Variants in DCAF12 observed in about 807,000 individuals in gnomAD.
The protein encoded by DCAF12 is DDB1 and CUL4 associated factor 12.
In DCAF12, 28 loss-of-function variants were observed where a neutral mutation model predicts 52.8. That is an observed-to-expected ratio of 0.53 (90% CI 0.39 to 0.73). DCAF12 has a LOEUF of 0.73. Ranked by LOEUF, DCAF12 falls within the 30% of genes least tolerant of loss-of-function variation. The probability of loss-of-function intolerance (pLI) is 0.00; values close to 1 mark genes in which losing one functional copy is unlikely to be tolerated. For synonymous variants in DCAF12, 196 were observed against 215.5 expected, an observed-to-expected ratio of 0.91 and a Z score of 0.79; for missense variants, 425 against 552.2, an observed-to-expected ratio of 0.77 and a Z score of 2.31.
At chr9:34,095,242 T>C (rs1359788503) in intron 6 of DCAF12, among the ~76,000 whole-genome samples, 3 of 151,544 alleles carry the variant, frequency 2.0e-5, no homozygotes, top group Non-Finnish European at 4.4e-5. Context: ...GCCCAGCTAA[T>C]TTTTGTATTT....
chr9:34,108,563 G>A (rs1048252523), intron 2 of DCAF12, among the ~76,000 whole-genome samples: 24 of 152,210 alleles, frequency 1.6e-4, no homozygotes, highest in Admixed American at 1.0e-3. Flanking sequence ...AGGCCAAGGC[G>A]GGCGGATCAC....
At chr9:34,118,275 A>G (rs893191562) in intron 2 of DCAF12, among the ~76,000 whole-genome samples, 1 of 152,098 alleles carries the variant, frequency 6.6e-6, no homozygotes, top group Non-Finnish European at 1.5e-5. Flanking sequence ...CCGGGACCAC[A>G]GGCATGCGGC....
chr9:34,086,695 G>C lies in DCAF12; in HGVS notation c.*1655C>G, dbSNP rs891169686. On this transcript the variant is annotated 3_prime_UTR_variant, in exon 9 of 9. Coordinates refer to ENST00000361264, the MANE Select transcript of DCAF12 (RefSeq NM_015397.4). ...TTATAGCACCTATTTCTCTAGGTTC[G>C]AAGATGAGAATTCCAGAACCTGTGG... 1 of 152,086 alleles carries C rather than the reference G, an allele frequency of 6.6e-6. No homozygotes were observed. Among genetic ancestry groups the C allele is most frequent in the African/African-American group, 2.4e-5 (1 of 41,414 alleles). The allele number at this position is 152,086 out of a possible 1,614,324, so 9.4% of individuals were successfully genotyped here. A position where few individuals can be genotyped will look rare whatever the true frequency, so the allele number is the denominator to read the frequency against.
chr9:34,124,209 T>G (rs1196419549), intron 2 of DCAF12, among the ~76,000 whole-genome samples: 1 of 152,220 alleles, frequency 6.6e-6, no homozygotes, highest in Non-Finnish European at 1.5e-5. Flanking sequence ...CATTATGACA[T>G]TACTTGTCCA....
chr9:34,092,994 C>T lies in DCAF12; in HGVS notation c.1024+292G>A, dbSNP rs1032374500. Among the ~76,000 whole-genome samples the T allele has an allele frequency of 5.3e-5, 8 of 152,168 alleles. No homozygotes were observed. The East Asian group carries it at 5.8e-4, about 11-fold the overall frequency. On this transcript the variant is annotated intron_variant, in intron 7 of 8. Coordinates refer to ENST00000361264, the MANE Select transcript of DCAF12 (RefSeq NM_015397.4). ...CTGAGCAGCTGGGATTACAGGCATG[C>T]GCCACTGCGCCCGGCTAATTTTGTA... is the stretch of plus-strand genomic sequence containing the variant.
chr9:34,088,525 A>C lies in DCAF12; in HGVS notation c.1204-17T>G. ...ATCATGATTCTACGGGAAGAGAAAG[A>C]GACTACAATTAGCACCTCTAGCCAT... On this transcript the variant is annotated splice_polypyrimidine_tract_variant and intron_variant, in intron 8 of 8. Coordinates refer to ENST00000361264, the MANE Select transcript of DCAF12 (RefSeq NM_015397.4). 6.2e-7 allele frequency: 1 copy of C among 1,614,014 alleles called. No individual in the cohort carries two copies.
chr9:34,126,372 G>C lies in DCAF12; in HGVS notation c.60C>G (p.Ser20Arg), dbSNP rs756625241. Residue 20 changes from serine (S) to arginine (R), a missense_variant, in exon 1 of 9, where the codon AGC (serine) becomes AGG (arginine). By Grantham distance (110) the Ser-to-Arg change is moderately radical. Around this residue, in one of 3 missense-constraint regions of DCAF12, gnomAD observed 89 missense variants for 84.9 expected, o/e 1.05. Coordinates refer to ENST00000361264, the MANE Select transcript of DCAF12 (RefSeq NM_015397.4). ...RKAPASPGAG[S>R]DAQGPQFGWD... ...CCCTCACCTGCGGGCCCTGAGCGTCGCTCCCAGCTCCCGGCGAGGCGGGCG... is the reference window on the plus strand; with the variant it reads ...CCCTCACCTGCGGGCCCTGAGCGTCCCTCCCAGCTCCCGGCGAGGCGGGCG... The C allele has an allele frequency of 6.2e-7, 1 of 1,612,080 alleles. No homozygotes were observed. The highest frequency in any genetic ancestry group is 2.2e-5 in the East Asian group (1 of 44,874).
At chr9:34,089,661 T>C in intron 7 of DCAF12, 71 bp from the exon 8 acceptor site, 16 of 1,452,424 alleles carry the variant, frequency 1.1e-5, no homozygotes, top group Non-Finnish European at 1.5e-5. Flanking sequence ...AGCCTGAATT[T>C]CTCCAACACT....
intron 6 of DCAF12, chr9:34,093,679 T>C (rs1405046918): frequency 2.4e-5 from 11 of 464,340 alleles, no homozygotes; most frequent in Non-Finnish European, 3.9e-5. Context: ...GGGGAAAAGG[T>C]AAATCTGGAA....
At chr9:34,111,640 G>C (rs920402740) in intron 2 of DCAF12, among the ~76,000 whole-genome samples, 3 of 152,178 alleles carry the variant, frequency 2.0e-5, no homozygotes, top group Non-Finnish European at 4.4e-5. Context: ...AGGCTCTGTA[G>C]CTGTTTTATT....
intron 4 of DCAF12, among the ~76,000 whole-genome samples, chr9:34,099,973 G>A (rs773741482): frequency 1.3e-5 from 2 of 152,110 alleles, no homozygotes; most frequent in African/African-American, 4.8e-5. Flanking sequence ...AGTAGGGCTT[G>A]GGAATCCTCC....
At chr9:34,115,357 C>T (rs112813628) in intron 2 of DCAF12, among the ~76,000 whole-genome samples, 12,738 of 93,104 alleles carry the variant, frequency 0.14, 574 homozygotes, top group Non-Finnish European at 0.2. Context: ...TTTGGGAGGC[C>T]GAGGCGGGCG....
At chr9:34,096,460 G>C (rs2131428323) in intron 6 of DCAF12, among the ~76,000 whole-genome samples, 1 of 152,180 alleles carries the variant, frequency 6.6e-6, no homozygotes, top group Admixed American at 6.6e-5. Context: ...AAATACCTGG[G>C]CATGTTGGCA....
At chr9:34,094,832 G>A (rs148240136) in intron 6 of DCAF12, among the ~76,000 whole-genome samples, 2,451 of 151,696 alleles carry the variant, frequency 0.016, 27 homozygotes, top group Non-Finnish European at 0.025. Flanking sequence ...ACCCGGCCCC[G>A]ATTTTTAAAT....
chr9:34,122,885 T>C (rs1170823422), intron 2 of DCAF12, among the ~76,000 whole-genome samples: 3 of 152,234 alleles, frequency 2.0e-5, no homozygotes, highest in Non-Finnish European at 4.4e-5. Flanking sequence ...CCTTACTGTC[T>C]TGCGCCTAGC....
At position 34,125,297 on chromosome 9, in the gene DCAF12, A is replaced by T. The variant is rs748961840; in HGVS notation, c.79-20T>A. 7 of 1,612,330 alleles carry T rather than the reference A, an allele frequency of 4.3e-6. No individual in the cohort carries two copies. In the South Asian group the frequency reaches 6.6e-5, roughly 15 times the overall value. ...GCCAAACTGTGGAAACAACATTAGA[A>T]ATCAGGGCTTTGGCTACTCTTCTTC... On this transcript the variant is annotated intron_variant, in intron 1 of 8. Transcript: ENST00000361264.
intron 2 of DCAF12, among the ~76,000 whole-genome samples, chr9:34,118,772 T>C (rs1249464390): frequency 2.0e-5 from 3 of 151,546 alleles, no homozygotes; most frequent in Non-Finnish European, 4.4e-5. Flanking sequence ...AAAACCAGGC[T>C]GGCCAATATG....
At position 34,093,435 on chromosome 9, in the gene DCAF12, T is replaced by A; in HGVS notation, c.875A>T (p.Lys292Ile). Residue 292 changes from lysine (K) to isoleucine (I), a missense_variant, in exon 7 of 9, where the codon AAA becomes ATA. By Grantham distance (102) the Lys-to-Ile change is moderately radical (BLOSUM62 -3). Transcript: ENST00000361264. The stretch of plus-strand genomic sequence containing the variant: ...CACATTCTCACGGCAATATGGCAGT[T>A]TGGTGGAGAGGAGCTGAAAATAGAG... The part of the protein sequence containing the change: ...ENTLSKLLST[K>I]LPYCRENVCL... 1 of 1,614,056 alleles carries A rather than the reference T, an allele frequency of 6.2e-7. No homozygotes were observed. Among genetic ancestry groups the A allele is most frequent in the African/African-American group, 1.3e-5 (1 of 75,024 alleles).
rs1056254585 is a variant in DCAF12, at chr9:34,126,627, G to T, written c.-196C>A. ...AAGAGAGAGGAAGGACTTGAGCCGG[G>T]AAAGGGAAGGGGAAGCGAGAATGAG... On this transcript the variant is annotated 5_prime_UTR_variant, in exon 1 of 9. Coordinates refer to ENST00000361264, the MANE Select transcript of DCAF12 (RefSeq NM_015397.4). The T allele has an allele frequency of 2.2e-5, 14 of 629,764 alleles. No individual in the cohort carries two copies. Among genetic ancestry groups the T allele is most frequent in the Non-Finnish European group, 3.2e-5 (12 of 374,762 alleles). The allele number at this position is 629,764 out of a possible 1,614,324, so 39.0% of individuals were successfully genotyped here.
Sources: gnomAD v4.1 joint callset for allele counts (sites outside exome capture counted in the v4.1 genomes callset) on GRCh38, gnomAD v4.1.1 for gene constraint, gnomAD v4.1.1 regional missense constraint, MANE v1.5 for transcripts, NCBI Gene and HGNC (gene_info 2026-07-23, HGNC 2026-07-21) for gene names.